TPST1: variants seen among roughly 807,000 people sequenced by gnomAD.
TPST1 encodes the protein tyrosylprotein sulfotransferase 1.
Under a neutral mutation model 34.8 loss-of-function variants are expected in TPST1, and 20 were observed. That is an observed-to-expected ratio of 0.57 (90% CI 0.40 to 0.84). The LOEUF (loss-of-function observed/expected upper bound fraction) is 0.84. Among genes scored for constraint, TPST1 ranks in the 40% least tolerant of loss-of-function variants. The pLI, the probability that TPST1 is intolerant of heterozygous loss-of-function variation, is 0.00. For synonymous variants in TPST1, 152 were observed against 159.4 expected (o/e 0.95, Z 0.35); for missense variants, 353 against 455.5 (o/e 0.78, Z 2.05).
At position 66,241,903 on chromosome 7, in the gene TPST1, G is replaced by A. The variant is rs1469012865; in HGVS notation, c.845+633G>A. 3.3e-5 allele frequency among the ~76,000 whole-genome samples: 5 copies of A among 152,172 alleles called. No individual in the cohort carries two copies. In the East Asian group the frequency reaches 5.8e-4, roughly 18 times the overall value. On this transcript the variant is annotated intron_variant, in intron 2 of 5. Transcript: ENST00000304842. ...TCTCAATGAGGTCGTGCTTTTCTCC[G>A]TGGCATTTTACTACGTGTTGTGCTT...
intron 1 of TPST1, among the ~76,000 whole-genome samples, chr7:66,238,003 C>T (rs1239492811): frequency 2.6e-5 from 4 of 152,092 alleles, no homozygotes; most frequent in Non-Finnish European, 4.4e-5. Flanking sequence ...TTTTTCTGAG[C>T]TTATGTACCT....
At chr7:66,273,586 G>A (rs183546818) in intron 2 of TPST1, among the ~76,000 whole-genome samples, 48 of 152,178 alleles carry the variant, frequency 3.2e-4, no homozygotes, top group African/African-American at 1.1e-3. Context: ...ACATATAAAC[G>A]AATGGAACTG....
chr7:66,299,075 G>T (rs1212431624), intron 3 of TPST1, among the ~76,000 whole-genome samples: 1 of 151,236 alleles, frequency 6.6e-6, no homozygotes, highest in African/African-American at 2.4e-5. Flanking sequence ...GCAGTGAGCT[G>T]TGATCACTCC....
chr7:66,276,365 C>CATATATATAT (rs138862941), intron 2 of TPST1, among the ~76,000 whole-genome samples: 6,355 of 90,756 alleles, frequency 0.07, 890 homozygotes, highest in Admixed American at 0.12. Context: ...AAAAACATTT[C>CATATATATAT]ATATATATAT....
chr7:66,303,216 A>G lies in TPST1; in HGVS notation c.1044+16507A>G, dbSNP rs561439537. Among the ~76,000 whole-genome samples the G allele has an allele frequency of 3.3e-5, 5 of 152,292 alleles. No individual in the cohort carries two copies. In the East Asian group the frequency reaches 7.7e-4, roughly 24 times the overall value. ...TCATCTGAAAATGTTAATATAGTTC[A>G]AAGTGTTGCTATAGTCTTTGTTTAG... On this transcript the variant is annotated intron_variant, in intron 3 of 5. Coordinates refer to ENST00000304842, the MANE Select transcript of TPST1 (RefSeq NM_003596.4).
intron 2 of TPST1, among the ~76,000 whole-genome samples, chr7:66,261,345 C>A (rs895832192): frequency 6.6e-6 from 1 of 150,486 alleles, no homozygotes; most frequent in African/African-American, 2.4e-5. Context: ...TTTCTGAAAC[C>A]TTTTATATTA....
upstream of TPST1, among the ~76,000 whole-genome samples, chr7:66,203,239 TA>T (rs1324614995): frequency 1.4e-4 from 21 of 151,710 alleles, no homozygotes; most frequent in Non-Finnish European, 2.1e-4. Flanking sequence ...ATATAATTAT[TA>T]TTTTTTTTTT....
At chr7:66,325,836 A>G (rs1479494905) in intron 3 of TPST1, among the ~76,000 whole-genome samples, 1 of 151,962 alleles carries the variant, frequency 6.6e-6, no homozygotes, top group Non-Finnish European at 1.5e-5. Flanking sequence ...GGGTTTCACC[A>G]TGTTGGCCAG....
At chr7:66,261,921 A>AACT (rs1452201819) in intron 2 of TPST1, among the ~76,000 whole-genome samples, 1 of 152,164 alleles carries the variant, frequency 6.6e-6, no homozygotes, top group African/African-American at 2.4e-5. Flanking sequence ...TTTTTACCAC[A>AACT]ACTACCACCA....
intron 3 of TPST1, among the ~76,000 whole-genome samples, chr7:66,296,676 G>GTTTTTTTTTTTT (rs55888171): frequency 2.2e-5 from 2 of 92,138 alleles, no homozygotes; most frequent in Non-Finnish European, 4.0e-5. Flanking sequence ...TACTGGGTTG[G>GTTTTTTTTTTTT]TTTTTTTTTT....
At chr7:66,335,113 C>G (rs935981674) in intron 3 of TPST1, among the ~76,000 whole-genome samples, 2 of 152,110 alleles carry the variant, frequency 1.3e-5, no homozygotes, top group Non-Finnish European at 2.9e-5. Flanking sequence ...TCGGATTTTC[C>G]ACAAAACTTA....
At chr7:66,326,374 A>T (rs1005664335) in intron 3 of TPST1, among the ~76,000 whole-genome samples, 7 of 152,212 alleles carry the variant, frequency 4.6e-5, no homozygotes, top group African/African-American at 1.7e-4. Context: ...TGTTTAAAGG[A>T]TAAGTAAAAG....
At chr7:66,254,244 G>A (rs531723299) in intron 2 of TPST1, among the ~76,000 whole-genome samples, 42 of 152,078 alleles carry the variant, frequency 2.8e-4, no homozygotes, top group Non-Finnish European at 5.0e-4. Flanking sequence ...ATAATACAGT[G>A]GGCCTCTCCT....
intron 3 of TPST1, among the ~76,000 whole-genome samples, chr7:66,344,119 G>A (rs6460290): frequency 0.64 from 97,000 of 151,952 alleles, 31,230 homozygotes; most frequent in African/African-American, 0.71. Context: ...AGAACATGGC[G>A]GGGCCTGGTG....
intron 3 of TPST1, among the ~76,000 whole-genome samples, chr7:66,300,198 A>G (rs573257280): frequency 1.3e-5 from 2 of 152,308 alleles, no homozygotes; most frequent in African/African-American, 4.8e-5. Flanking sequence ...TGGGGTGACT[A>G]TAGCAATTTG....
intron 3 of TPST1, among the ~76,000 whole-genome samples, chr7:66,338,061 C>G (rs1010868378): frequency 6.6e-6 from 1 of 152,078 alleles, no homozygotes; most frequent in Non-Finnish European, 1.5e-5. Context: ...GATTAAAAAA[C>G]AAGACCCATC....
chr7:66,326,369 A>C (rs1357176280), intron 3 of TPST1, among the ~76,000 whole-genome samples: 1 of 152,196 alleles, frequency 6.6e-6, no homozygotes, highest in Non-Finnish European at 1.5e-5. Flanking sequence ...TCTCATGTTT[A>C]AAGGATAAGT....
At chr7:66,257,411 A>G (rs1239637710) in intron 2 of TPST1, among the ~76,000 whole-genome samples, 1 of 152,198 alleles carries the variant, frequency 6.6e-6, no homozygotes, top group Non-Finnish European at 1.5e-5. Context: ...ACTAGTCCAT[A>G]TCAATTCTGA....
chr7:66,278,100 CAAAAAAAAAA>C lies in TPST1; in HGVS notation c.846-8391_846-8382del, dbSNP rs35654351. 5.4e-4 allele frequency among the ~76,000 whole-genome samples: 27 copies of C among 50,252 alleles called. 1 individual carries two copies. In the South Asian group the frequency reaches 7.9e-3, roughly 15 times the overall value. The allele number at this position is 50,252 out of a possible 152,430, so 33.0% of individuals were successfully genotyped here. On this transcript the variant is annotated intron_variant, in intron 2 of 5. Transcript: ENST00000304842. The stretch of plus-strand genomic sequence containing the variant: ...GGGCAACAAGAATGTGACTCCATCT[CAAAAAAAAAA>C]AAAAAAAAAAAAAAAAAAATTGCAG...
Sources: gnomAD v4.1 joint callset for allele counts (sites outside exome capture counted in the v4.1 genomes callset) on GRCh38, gnomAD v4.1.1 for gene constraint, MANE v1.5 for transcripts, NCBI Gene and HGNC (gene_info 2026-07-23, HGNC 2026-07-21) for gene names.